The following SMOC2 variants were observed in gnomAD, a reference collection of about 807,000 sequenced individuals.
SMOC2 encodes the protein SPARC-related modular calcium-binding protein 2.
SMOC2 carries 39 observed loss-of-function variants against 61.4 expected under a neutral mutation model. The observed-to-expected ratio is 0.64, with a 90% confidence interval of 0.49 to 0.83. The LOEUF (loss-of-function observed/expected upper bound fraction) is 0.83. SMOC2 is among the 40% of genes least tolerant of loss of function. The pLI is 0.00. For missense variants in SMOC2, 556 were observed against 592.9 expected (o/e 0.94, Z 0.65); for synonymous variants, 247 against 239.9 (o/e 1.03, Z -0.27).
At chr6:168,591,519 G>A (rs532997170) in intron 7 of SMOC2, among the ~76,000 whole-genome samples, 23 of 152,230 alleles carry the variant, frequency 1.5e-4, no homozygotes, top group African/African-American at 5.5e-4. Flanking sequence ...AAAGGTTTGA[G>A]TGAGAATGAA....
chr6:168,599,120 TCA>T (rs920468434), intron 8 of SMOC2, 116 bp downstream of exon 8: 15 of 326,856 alleles, frequency 4.6e-5, no homozygotes, highest in Middle Eastern at 1.1e-3. Context: ...ACACACACAC[TCA>T]CACTCACACA....
At chr6:168,540,812 T>C (rs763509097) in intron 4 of SMOC2, among the ~76,000 whole-genome samples, 33 of 152,292 alleles carry the variant, frequency 2.2e-4, no homozygotes, top group Non-Finnish European at 4.0e-4. Context: ...CCCCAGGATG[T>C]GAAGTTCTCG....
At chr6:168,516,456 C>T (rs1390796520) in intron 2 of SMOC2, among the ~76,000 whole-genome samples, 1 of 151,708 alleles carries the variant, frequency 6.6e-6, no homozygotes, top group Non-Finnish European at 1.5e-5. Context: ...ACAAAAGCAG[C>T]TTCCTTGGAG....
chr6:168,451,033 G>T (rs549049501), intron 1 of SMOC2, among the ~76,000 whole-genome samples: 1 of 152,070 alleles, frequency 6.6e-6, no homozygotes, highest in Non-Finnish European at 1.5e-5. Flanking sequence ...GTTTCTTCCC[G>T]TGAATGGGTT....
chr6:168,455,019 C>T (rs1297951627), intron 1 of SMOC2, among the ~76,000 whole-genome samples: 2 of 152,040 alleles, frequency 1.3e-5, no homozygotes, highest in Non-Finnish European at 2.9e-5. Context: ...CAGATGGGAG[C>T]TGTGTGTATT....
intron 1 of SMOC2, among the ~76,000 whole-genome samples, chr6:168,482,439 A>G (rs986241516): frequency 6.6e-6 from 1 of 152,118 alleles, no homozygotes; most frequent in Non-Finnish European, 1.5e-5. Flanking sequence ...ATCTCTGGAC[A>G]GAGAAAACCT....
At chr6:168,480,842 G>T (rs1782192815) in intron 1 of SMOC2, among the ~76,000 whole-genome samples, 1 of 152,138 alleles carries the variant, frequency 6.6e-6, no homozygotes, top group Non-Finnish European at 1.5e-5. Flanking sequence ...CACATACAAG[G>T]ATCCTCAGTA....
intron 9 of SMOC2, among the ~76,000 whole-genome samples, chr6:168,618,973 A>G (rs181882116): frequency 6.6e-6 from 1 of 152,342 alleles, no homozygotes; most frequent in African/African-American, 2.4e-5. Flanking sequence ...GACAATAAAT[A>G]TCTTAATCTT....
chr6:168,524,586 G>A (rs1783410455), intron 2 of SMOC2, among the ~76,000 whole-genome samples: 1 of 152,208 alleles, frequency 6.6e-6, no homozygotes, highest in Non-Finnish European at 1.5e-5. Flanking sequence ...ACCTCGTGGA[G>A]ACCTCGCAAG....
At chr6:168,485,415 T>C (rs959151871) in intron 1 of SMOC2, among the ~76,000 whole-genome samples, 2 of 152,008 alleles carry the variant, frequency 1.3e-5, no homozygotes, top group African/African-American at 4.8e-5. Context: ...AAAGGTGAAA[T>C]CAACCTGAAT....
intron 1 of SMOC2, among the ~76,000 whole-genome samples, chr6:168,481,443 T>TA (rs924335509): frequency 2.0e-4 from 30 of 152,014 alleles, no homozygotes; most frequent in Admixed American, 4.6e-4. Context: ...TAAATTTAAA[T>TA]AAAAATGTTC....
chr6:168,499,609 T>G (rs1003196800), intron 1 of SMOC2, among the ~76,000 whole-genome samples: 2 of 152,182 alleles, frequency 1.3e-5, no homozygotes, highest in African/African-American at 4.8e-5. Flanking sequence ...GTGTGTTACC[T>G]CCCAAAGTTT....
intron 1 of SMOC2, among the ~76,000 whole-genome samples, chr6:168,507,042 C>T (rs1297490188): frequency 6.6e-6 from 1 of 152,170 alleles, no homozygotes; most frequent in Non-Finnish European, 1.5e-5. Flanking sequence ...TGAGAAATAA[C>T]ACTTCCATTG....
intron 11 of SMOC2, among the ~76,000 whole-genome samples, chr6:168,660,207 G>A (rs1787474117): frequency 6.6e-6 from 1 of 152,148 alleles, no homozygotes; most frequent in Non-Finnish European, 1.5e-5. Context: ...CCCATGGATT[G>A]GGTTCTGATA....
intron 4 of SMOC2, among the ~76,000 whole-genome samples, chr6:168,536,310 G>A (rs1279562559): frequency 1.3e-5 from 2 of 152,164 alleles, no homozygotes; most frequent in Non-Finnish European, 2.9e-5. Flanking sequence ...GATCCCGGGT[G>A]AGGGACGTCT....
chr6:168,613,601 C>G (rs1161695526), intron 9 of SMOC2, among the ~76,000 whole-genome samples: 2 of 148,442 alleles, frequency 1.3e-5, no homozygotes, highest in Non-Finnish European at 3.0e-5. Flanking sequence ...GGCACAGTGC[C>G]TCTTCACATC....
rs150807105 is a variant in SMOC2 at position 168,500,006 on chromosome 6, C to A, written c.85-9909C>A. On this transcript the variant is annotated intron_variant, in intron 1 of 12. Transcript: ENST00000356284. ...TTCAAGCTGTGAGCAGGGAAAGAGGCTAACAGAGATGAAGTCCATGCCGGG... is the reference window on the plus strand; with the variant it reads ...TTCAAGCTGTGAGCAGGGAAAGAGGATAACAGAGATGAAGTCCATGCCGGG... Among the ~76,000 whole-genome samples the A allele has an allele frequency of 4.9e-3, 741 of 152,208 alleles. 3 individuals carry two copies. Among genetic ancestry groups the A allele is most frequent in the African/African-American group, 0.016 (670 of 41,544 alleles).
chr6:168,610,853 T>C (rs936454110), intron 9 of SMOC2, among the ~76,000 whole-genome samples: 2 of 152,226 alleles, frequency 1.3e-5, no homozygotes, highest in African/African-American at 4.8e-5. Context: ...GGTTCTTCTT[T>C]CATTGTGTAG....
chr6:168,547,574 A>G (rs16887117), intron 6 of SMOC2, among the ~76,000 whole-genome samples: 17,859 of 152,010 alleles, frequency 0.12, 3,010 homozygotes, highest in African/African-American at 0.37. Flanking sequence ...AGCATGAGGA[A>G]TATACTTAAT....
Sources: allele counts gnomAD v4.1 joint callset (sites outside exome capture counted in the v4.1 genomes callset), GRCh38; gene constraint gnomAD v4.1.1; transcripts MANE v1.5; gene names NCBI Gene and HGNC (gene_info 2026-07-23, HGNC 2026-07-21).